Variants in MGAT4A observed in about 807,000 individuals in gnomAD.
The protein encoded by MGAT4A is alpha-1,3-mannosyl-glycoprotein 4-beta-N-acetylglucosaminyltransferase A.
Under a neutral mutation model 74.1 loss-of-function variants are expected in MGAT4A, and 33 were observed. The observed-to-expected ratio is 0.45, with a 90% CI of 0.34 to 0.60. The LOEUF (loss-of-function observed/expected upper bound fraction) is 0.60, where lower values mean the gene tolerates loss of function less well. Among genes scored for constraint, MGAT4A ranks in the 20% least tolerant of loss-of-function variants. The pLI, the probability that MGAT4A is intolerant of heterozygous loss-of-function variation, is 0.02. For synonymous variants in MGAT4A, 198 were observed against 210.4 expected (o/e 0.94, Z 0.51); for missense variants, 479 against 628.3 (o/e 0.76, Z 2.54).
At chr2:98,693,010 T>C (rs368752912) in intron 2 of MGAT4A, among the ~76,000 whole-genome samples, 14 of 152,142 alleles carry the variant, frequency 9.2e-5, no homozygotes, top group East Asian at 3.9e-4. Context: ...AACACCACAA[T>C]TGAACGTTAG....
intron 2 of MGAT4A, among the ~76,000 whole-genome samples, chr2:98,684,378 G>C (rs562698288): frequency 6.7e-4 from 102 of 152,174 alleles, no homozygotes; most frequent in Admixed American, 4.3e-3. Context: ...TTATTGTTTT[G>C]TTTTTACTGT....
chr2:98,726,601 C>T (rs1023041876), intron 1 of MGAT4A, 34 bp from the exon 2 acceptor site: 5 of 396,056 alleles, frequency 1.3e-5, no homozygotes, highest in East Asian at 3.6e-5. Flanking sequence ...CAAGCTCATT[C>T]GGTAATGCAA....
intron 2 of MGAT4A, among the ~76,000 whole-genome samples, chr2:98,724,212 C>CA (rs552245647): frequency 0.012 from 1,805 of 151,402 alleles, 17 homozygotes; most frequent in Middle Eastern, 0.031. Flanking sequence ...GAAAAAACAA[C>CA]AAAAAAAAAC....
chr2:98,728,471 G>A (rs987677110), intron 1 of MGAT4A, among the ~76,000 whole-genome samples: 2 of 152,224 alleles, frequency 1.3e-5, no homozygotes, highest in African/African-American at 4.8e-5. Flanking sequence ...ACAGTGGCCA[G>A]GTGTGGTGGC....
chr2:98,712,500 T>C (rs1189030212), intron 2 of MGAT4A, among the ~76,000 whole-genome samples: 1 of 152,212 alleles, frequency 6.6e-6, no homozygotes, highest in Non-Finnish European at 1.5e-5. Context: ...AATGCTGAAA[T>C]GTTGTACTTC....
At chr2:98,723,210 G>A (rs1369433733) in intron 2 of MGAT4A, among the ~76,000 whole-genome samples, 1 of 152,142 alleles carries the variant, frequency 6.6e-6, no homozygotes, top group East Asian at 1.9e-4. Context: ...AACTGTACTT[G>A]TAAGATTCTC....
At chr2:98,717,568 G>T (rs991083875) in intron 2 of MGAT4A, among the ~76,000 whole-genome samples, 1 of 152,060 alleles carries the variant, frequency 6.6e-6, no homozygotes, top group Non-Finnish European at 1.5e-5. Context: ...TTTTGGTTTC[G>T]AAAATTATAC....
At chr2:98,655,234 C>T (rs945144102) in intron 8 of MGAT4A, among the ~76,000 whole-genome samples, 1 of 152,012 alleles carries the variant, frequency 6.6e-6, no homozygotes, top group South Asian at 2.1e-4. Flanking sequence ...GCAGGTCCCC[C>T]GCTAAGTGGA....
intron 2 of MGAT4A, among the ~76,000 whole-genome samples, chr2:98,705,878 C>A (rs1702420076): frequency 6.8e-6 from 1 of 146,356 alleles, no homozygotes. Flanking sequence ...GGAAGCGGAG[C>A]TTGCAGTGAG....
intron 9 of MGAT4A, among the ~76,000 whole-genome samples, chr2:98,645,060 T>C (rs1417872877): frequency 2.0e-5 from 3 of 152,244 alleles, no homozygotes. Context: ...ACTTCATGCA[T>C]TGCATGAAAA....
Position 98,645,465 on chromosome 2 carries a change from T to C in MGAT4A, c.852A>G (p.Glu284=), listed in dbSNP as rs369826535. 2 of 1,591,760 alleles carry C rather than the reference T, an allele frequency of 1.3e-6. No homozygotes were observed. Among genetic ancestry groups the C allele is most frequent in the Non-Finnish European group, 8.5e-7 (1 of 1,174,936 alleles). Residue 284 remains glutamate, a synonymous_variant, in exon 9 of 16, where the codon GAA becomes GAG. Transcript: ENST00000393487. The stretch of plus-strand genomic sequence containing the variant: ...GCTGGGAAAACTCTAGAATCATCCA[T>C]TCCTCAGAAGAAAGTTGAAGTGCAA... ...KNFALQLSSE[E]WMILEFSQLG...
At chr2:98,670,456 C>T (rs76090815) in intron 4 of MGAT4A, among the ~76,000 whole-genome samples, 8,402 of 152,208 alleles carry the variant, frequency 0.055, 640 homozygotes, top group East Asian at 0.39. Context: ...TCATTTTCTT[C>T]CACTTTCCCG....
intron 8 of MGAT4A, 90 bp from the exon 9 acceptor site, chr2:98,645,632 T>G (rs1328891745): frequency 1.1e-6 from 1 of 906,888 alleles, no homozygotes; most frequent in African/African-American, 1.7e-5. Flanking sequence ...AAGCATACCT[T>G]TATCATGAAA....
At chr2:98,641,203 A>C (rs1412814087) in intron 10 of MGAT4A, among the ~76,000 whole-genome samples, 1 of 152,020 alleles carries the variant, frequency 6.6e-6, no homozygotes, top group African/African-American at 2.4e-5. Context: ...GGCCAAAAAA[A>C]ATCAAAAAAC....
chr2:98,709,290 T>C (rs1475099462), intron 2 of MGAT4A, among the ~76,000 whole-genome samples: 1 of 152,164 alleles, frequency 6.6e-6, no homozygotes, highest in Non-Finnish European at 1.5e-5. Context: ...TCCCCTGAAA[T>C]GACAGCACCA....
chr2:98,643,408 T>C (rs192214886), intron 10 of MGAT4A, among the ~76,000 whole-genome samples: 53 of 152,362 alleles, frequency 3.5e-4, no homozygotes, highest in African/African-American at 1.2e-3. Flanking sequence ...CTTACTTGAC[T>C]GCAACTATTA....
chr2:98,652,765 A>G (rs1701601024), intron 8 of MGAT4A, among the ~76,000 whole-genome samples: 1 of 151,980 alleles, frequency 6.6e-6, no homozygotes, highest in Non-Finnish European at 1.5e-5. Context: ...ACTGGTATGC[A>G]CCACCATGCC....
intron 8 of MGAT4A, among the ~76,000 whole-genome samples, chr2:98,652,494 G>A (rs1309761682): frequency 6.6e-6 from 1 of 151,968 alleles, no homozygotes; most frequent in Admixed American, 6.6e-5. Context: ...ACCACGCCCG[G>A]CTAATTTTTT....
chr2:98,688,257 A>G (rs1441917256), intron 2 of MGAT4A, among the ~76,000 whole-genome samples: 1 of 152,210 alleles, frequency 6.6e-6, no homozygotes, highest in Non-Finnish European at 1.5e-5. Flanking sequence ...AACAAAAAAA[A>G]AGAATATAAC....
Sources: gnomAD v4.1 joint callset for allele counts (sites outside exome capture counted in the v4.1 genomes callset) on GRCh38, gnomAD v4.1.1 for gene constraint, MANE v1.5 for transcripts, NCBI Gene and HGNC (gene_info 2026-07-23, HGNC 2026-07-21) for gene names.